ARID2: variants seen among roughly 807,000 people sequenced by gnomAD.
ARID2 encodes the protein AT-rich interaction domain 2.
Under a neutral mutation model 184.6 loss-of-function variants are expected in ARID2, and 32 were observed. The ratio of observed to expected loss-of-function variants is 0.17; its 90% CI spans 0.13 to 0.23. The LOEUF (loss-of-function observed/expected upper bound fraction) is 0.23. ARID2 is among the 10% of genes least tolerant of loss of function. The pLI is 1.00. For missense variants in ARID2, 1,696 were observed against 2,197.6 expected (o/e 0.77, Z 4.56); for synonymous variants, 836 against 772.6 (o/e 1.08, Z -1.36).
At position 45,799,387 on chromosome 12, in the gene ARID2, G is replaced by A. The variant is rs553936732; in HGVS notation, c.285-12031G>A. ...ATACATGGATGAACATGGAACAAAT[G>A]CATCATTATGTACACTTAATAAATC... On this transcript the variant is annotated intron_variant, in intron 3 of 20. Coordinates refer to ENST00000334344, the MANE Select transcript of ARID2 (RefSeq NM_152641.4). Among the ~76,000 whole-genome samples the A allele has an allele frequency of 2.0e-5, 3 of 152,244 alleles. No individual in the cohort carries two copies. The East Asian group carries it at 5.8e-4, about 29-fold the overall frequency.
rs756241802 is a variant in ARID2 at position 45,831,776 on chromosome 12, A to G, written c.706-4813A>G. On this transcript the variant is annotated intron_variant, in intron 6 of 20. Transcript: ENST00000334344. ...ATCAACTGTAATTATGAATGTTTAT[A>G]TATCCTTTCAGTTCTGTCAGTTTTT... Among the ~76,000 whole-genome samples, 147 of 152,300 alleles carry G rather than the reference A, an allele frequency of 9.7e-4. 1 individual carries two copies. The highest frequency in any genetic ancestry group is 1.4e-3 in the Non-Finnish European group (95 of 68,030).
chr12:45,773,132 GA>G (rs1362925909), intron 3 of ARID2, among the ~76,000 whole-genome samples: 1 of 151,958 alleles, frequency 6.6e-6, no homozygotes, highest in Non-Finnish European at 1.5e-5. Context: ...TGTAGAAATG[GA>G]ACATGTTCCT....
At chr12:45,839,178 T>A in intron 10 of ARID2, 151 bp from the exon 11 acceptor site, 1 of 825,154 alleles carries the variant, frequency 1.2e-6, no homozygotes, top group Admixed American at 3.6e-5. Flanking sequence ...AATCTTTTTT[T>A]TTAAAGATGC....
chr12:45,744,950 C>T (rs1396739527), intron 3 of ARID2, among the ~76,000 whole-genome samples: 1 of 152,148 alleles, frequency 6.6e-6, no homozygotes, highest in East Asian at 1.9e-4. Flanking sequence ...TTGGCCCCCT[C>T]TTTATAAACT....
In ARID2 at chr12:45,851,000, A is replaced by G. The variant is rs1173667638; in HGVS notation, c.2877A>G (p.Thr959=). The G allele has an allele frequency of 8.7e-6, 14 of 1,614,202 alleles. No homozygotes were observed. Among genetic ancestry groups the G allele is most frequent in the Non-Finnish European group, 1.2e-5 (14 of 1,180,020 alleles). ...ANPAALPAGQ[T]VQLTGQPNIT... is the part of the protein sequence containing the mutation. ...CAGCAGCTCTTCCAGCTGGTCAGAC[A>G]GTTCAGCTAACTGGACAACCTAACA... Residue 959 remains threonine, a synonymous_variant, in exon 15 of 21, where the codon ACA becomes ACG. Coordinates refer to ENST00000334344, the MANE Select transcript of ARID2 (RefSeq NM_152641.4).
At chr12:45,730,818 G>C (rs1177858366) in intron 2 of ARID2, among the ~76,000 whole-genome samples, 4 of 141,414 alleles carry the variant, frequency 2.8e-5, no homozygotes, top group South Asian at 2.3e-4. Flanking sequence ...CCCAGCCCCG[G>C]CCCCCCCCCC....
intron 3 of ARID2, among the ~76,000 whole-genome samples, chr12:45,774,886 C>T (rs544220511): frequency 5.9e-5 from 9 of 152,208 alleles, no homozygotes; most frequent in South Asian, 4.1e-4. Flanking sequence ...TTTTGAGCTA[C>T]GGCAGTAGTT....
rs184187485 is a variant in ARID2 at position 45,824,965 on chromosome 12, T to C, written c.705+3478T>C. ...GTAGCAATGTGGTTGGAACTGGAGG[T>C]CATTATGTTCAATGAAAACCTAGGC... On this transcript the variant is annotated intron_variant, in intron 6 of 20. Coordinates refer to ENST00000334344, the MANE Select transcript of ARID2 (RefSeq NM_152641.4). Among the ~76,000 whole-genome samples, 36 of 151,206 alleles carry C rather than the reference T, an allele frequency of 2.4e-4. 1 individual carries two copies. Among genetic ancestry groups the C allele is most frequent in the African/African-American group, 8.7e-4 (36 of 41,216 alleles).
intron 16 of ARID2, among the ~76,000 whole-genome samples, chr12:45,883,696 G>A (rs1944140577): frequency 6.6e-6 from 1 of 151,470 alleles, no homozygotes; most frequent in South Asian, 2.1e-4. Flanking sequence ...GGTCTTTTAT[G>A]TTAGACATAC....
rs549448155 is a variant in ARID2, at chr12:45,837,512, G to C, written c.1135G>C (p.Gly379Arg). The C allele has an allele frequency of 2.5e-6, 4 of 1,613,818 alleles. No individual in the cohort carries two copies. In the East Asian group the frequency reaches 6.7e-5, roughly 27 times the overall value. The stretch of plus-strand genomic sequence containing the variant: ...ATGTTTTTCAGGCATGGAAATTTTG[G>C]GAAATCTTTGCAAAGCAGAAGATAA... ...FLKMRGMEIL[G>R]NLCKAEDNGV... Residue 379 changes from glycine (G) to arginine (R), a missense_variant, in exon 10 of 21, where the codon GGA becomes CGA. By Grantham distance (125) the Gly-to-Arg change is moderately radical. Coordinates refer to ENST00000334344, the MANE Select transcript of ARID2 (RefSeq NM_152641.4).
Position 45,906,887 on chromosome 12 carries a change from C to G in ARID2, c.*1809C>G, listed in dbSNP as rs983518955. 5.6e-5 allele frequency: 13 copies of G among 231,896 alleles called. No individual in the cohort carries two copies. The East Asian group carries it at 7.3e-4, about 13-fold the overall frequency. The allele number at this position is 231,896 out of a possible 1,614,324, so 14.4% of individuals were successfully genotyped here. The stretch of plus-strand genomic sequence containing the variant: ...ATGTTGTGTTTCTTGACTGTTTATT[C>G]AGAATCACAGTGTATCCAAATCTTC... On this transcript the variant is annotated 3_prime_UTR_variant, in exon 21 of 21. Transcript: ENST00000334344.
intron 3 of ARID2, among the ~76,000 whole-genome samples, chr12:45,786,529 G>A (rs1476611838): frequency 6.6e-6 from 1 of 152,164 alleles, no homozygotes; most frequent in East Asian, 1.9e-4. Context: ...TGTAAGGAAA[G>A]GACCTCTTTT....
At chr12:45,805,623 T>C (rs1013290153) in intron 3 of ARID2, among the ~76,000 whole-genome samples, 3 of 152,136 alleles carry the variant, frequency 2.0e-5, no homozygotes, top group Non-Finnish European at 4.4e-5. Flanking sequence ...ATTTTCCAGC[T>C]TTATTGAGGT....
At chr12:45,798,834 T>C (rs1942440627) in intron 3 of ARID2, among the ~76,000 whole-genome samples, 1 of 152,060 alleles carries the variant, frequency 6.6e-6, no homozygotes, top group Admixed American at 6.5e-5. Flanking sequence ...GGCTCATAAG[T>C]TACTTCTTCC....
At chr12:45,802,086 C>T (rs1190919074) in intron 3 of ARID2, among the ~76,000 whole-genome samples, 7 of 137,616 alleles carry the variant, frequency 5.1e-5, no homozygotes, top group African/African-American at 1.4e-4. Flanking sequence ...ACCCCCGAGA[C>T]GACAGGGTCT....
intron 20 of ARID2, among the ~76,000 whole-genome samples, chr12:45,899,697 A>ATATATATATGGT (rs1565644923): frequency 0.012 from 1,309 of 105,274 alleles, 12 homozygotes; most frequent in Middle Eastern, 0.023. Flanking sequence ...ATATATGGTT[A>ATATATATATGGT]TATATATATA....
chr12:45,799,451 A>C (rs1942453971), intron 3 of ARID2, among the ~76,000 whole-genome samples: 1 of 152,182 alleles, frequency 6.6e-6, no homozygotes, highest in Admixed American at 6.5e-5. Context: ...TCAGTGGTGC[A>C]CATTTTTTTT....
chr12:45,777,471 A>G (rs1023073979), intron 3 of ARID2, among the ~76,000 whole-genome samples: 2 of 152,116 alleles, frequency 1.3e-5, no homozygotes, highest in Non-Finnish European at 2.9e-5. Context: ...GAGCTGTGCT[A>G]TTATCTATAG....
intron 3 of ARID2, among the ~76,000 whole-genome samples, chr12:45,800,495 CT>C (rs1942476199): frequency 7.3e-6 from 1 of 137,606 alleles, no homozygotes; most frequent in African/African-American, 3.0e-5. Flanking sequence ...TGATTTTATC[CT>C]TTTAGAGATA....
Sources: allele counts gnomAD v4.1 joint callset (sites outside exome capture counted in the v4.1 genomes callset), GRCh38; gene constraint gnomAD v4.1.1; transcripts MANE v1.5; gene names NCBI Gene and HGNC (gene_info 2026-07-23, HGNC 2026-07-21).